BDH1: variants seen among roughly 807,000 people sequenced by gnomAD.
The protein encoded by BDH1 is D-beta-hydroxybutyrate dehydrogenase, mitochondrial.
A neutral mutation model predicts 33.1 loss-of-function variants in BDH1; 30 were observed. The ratio of observed to expected loss-of-function variants is 0.91; its 90% CI spans 0.68 to 1.23. BDH1 has a LOEUF of 1.23. BDH1 is among the 50% of genes most tolerant of loss of function. BDH1 has a pLI of 0.00. For missense variants in BDH1, 443 were observed against 464.4 expected (o/e 0.95, Z 0.42); for synonymous variants, 190 against 183.6 (o/e 1.03, Z -0.28).
rs922444598 is a variant in BDH1 at position 197,523,925 on chromosome 3, G to C, written c.268-1144C>G. Among the ~76,000 whole-genome samples, 1 of 152,162 alleles carries C rather than the reference G, an allele frequency of 6.6e-6. No individual in the cohort carries two copies. The highest frequency in any genetic ancestry group is 1.5e-5 in the Non-Finnish European group (1 of 68,024). ...AGGTGGTGGATGCAGGGCTGGAGAG[G>C]AGGGCAGGGGTCTGCTTGTGGGCAC... On this transcript the variant is annotated intron_variant, in intron 5 of 7. Transcript: ENST00000392379. The surrounding 1 kb of genome is among the most constrained non-coding windows in gnomAD (Gnocchi z 4.5).
intron 2 of BDH1, among the ~76,000 whole-genome samples, chr3:197,548,212 C>T (rs1306464254): frequency 1.3e-5 from 2 of 152,222 alleles, no homozygotes; most frequent in East Asian, 3.8e-4. Context: ...CAGAATGGAG[C>T]CCAGACTGGC....
chr3:197,523,041 T>G lies in BDH1; in HGVS notation c.268-260A>C. On this transcript the variant is annotated intron_variant, in intron 5 of 7. Coordinates refer to ENST00000392379, the MANE Select transcript of BDH1 (RefSeq NM_203314.3). The surrounding 1 kb of genome is among the most constrained non-coding windows in gnomAD (Gnocchi z 4.5). ...CGGCCCCCAAGGCCTCAAGACAGGA[T>G]TCCTTCTCCAAGCAGGGGTTGCAAA... 2 of 450,592 alleles carry G rather than the reference T, an allele frequency of 4.4e-6. No homozygotes were observed. 27.9% of individuals were successfully genotyped at this position (450,592 alleles called of 1,614,324 possible).
Position 197,514,335 on chromosome 3 carries a change from A to G in BDH1, c.491T>C (p.Val164Ala). Residue 164 changes from valine (V) to alanine (A), a missense_variant, in exon 7 of 8, where the codon GTG (valine) becomes GCG (alanine). By Grantham distance (64) the Val-to-Ala change is moderately conservative. Transcript: ENST00000392379. The surrounding 1 kb of genome is among the most constrained non-coding windows in gnomAD (Gnocchi z 4.2). ...TGTGCCCCAAAGGTTCACTTCTGCC[A>G]CCTGCTTGTAGGTCTCCAGGCTGGT... is the stretch of plus-strand genomic sequence containing the variant. ...EFTSLETYKQ[V>A]AEVNLWGTVR... The G allele has an allele frequency of 6.2e-7, 1 of 1,613,868 alleles. No homozygotes were observed. The highest frequency in any genetic ancestry group is 2.2e-5 in the East Asian group (1 of 44,866).
rs370559990 is a variant in BDH1 at position 197,522,802 on chromosome 3, G to A, written c.268-21C>T. Reference sequence around the variant, plus strand: ...TTGTCCTGGGGAGGAGAGAAGAGCTGCTTCTACCTCCTTCCTTCCCACCCT... The same window carrying A: ...TTGTCCTGGGGAGGAGAGAAGAGCTACTTCTACCTCCTTCCTTCCCACCCT... On this transcript the variant is annotated intron_variant, in intron 5 of 7. Coordinates refer to ENST00000392379, the MANE Select transcript of BDH1 (RefSeq NM_203314.3). The surrounding 1 kb of genome is among the most constrained non-coding windows in gnomAD (Gnocchi z 4.8). The A allele has an allele frequency of 3.7e-6, 6 of 1,611,704 alleles. No individual in the cohort carries two copies. The African/African-American group carries it at 4.0e-5, about 11-fold the overall frequency.
chr3:197,515,367 G>C (rs1332475274), intron 6 of BDH1: 16 of 985,536 alleles, frequency 1.6e-5, no homozygotes, highest in Non-Finnish European at 1.8e-5. Flanking sequence ...CTGTGACCTC[G>C]CTCAGATGCT....
chr3:197,557,136 C>A (rs1250169037), upstream of BDH1, among the ~76,000 whole-genome samples: 1 of 152,212 alleles, frequency 6.6e-6, no homozygotes, highest in Non-Finnish European at 1.5e-5. This position sits in a 1 kb window ranked among gnomAD's most constrained non-coding sequence, Gnocchi z 4.6. Flanking sequence ...GTTGTCCCAC[C>A]TTTCCAGACT....
chr3:197,540,078 T>C, intron 3 of BDH1, among the ~76,000 whole-genome samples: 1 of 152,000 alleles, frequency 6.6e-6, no homozygotes, highest in Non-Finnish European at 1.5e-5. Flanking sequence ...TTAGACAGCG[T>C]CTCTCTCTTT....
At position 197,511,396 on chromosome 3, in the gene BDH1, C is replaced by G. The variant is rs1380385759; in HGVS notation, c.*499G>C. 2 of 155,498 alleles carry G rather than the reference C, an allele frequency of 1.3e-5. No homozygotes were observed. Among genetic ancestry groups the G allele is most frequent in the Admixed American group, 1.3e-4 (2 of 15,578 alleles). 9.6% of individuals were successfully genotyped at this position (155,498 alleles called of 1,614,324 possible). On this transcript the variant is annotated 3_prime_UTR_variant, in exon 8 of 8. Transcript: ENST00000392379. ...CAGAGTTAGTCAGAAGATTCTCGGG[C>G]AAATGGATCCAAAACAGTCCTGGAA...
rs752915471 is a variant in BDH1, at chr3:197,512,359, C to T, written c.568G>A (p.Val190Ile). 8.7e-6 allele frequency: 14 copies of T among 1,602,896 alleles called. No homozygotes were observed. Among genetic ancestry groups the T allele is most frequent in the Middle Eastern group, 1.7e-4 (1 of 6,056 alleles). ...CCCAGCATGCTGCTGATATTGACGA[C>T]GCGGCCTACAGAGGGAGACAGAGGT... ...LPLIRRAKGRVVNISSMLGRM... is the reference protein window; with the variant it reads ...LPLIRRAKGRIVNISSMLGRM... The change falls in exon 8 of 8, where the codon GTC becomes ATC. Residue 190 changes from valine (V) to isoleucine (I), a missense_variant. Transcript: ENST00000392379.
Position 197,510,275 on chromosome 3 carries a change from G to C in BDH1, c.*1620C>G, listed in dbSNP as rs1368844631. 6.6e-6 allele frequency: 1 copy of C among 152,404 alleles called. No individual in the cohort carries two copies. The highest frequency in any genetic ancestry group is 1.5e-5 in the Non-Finnish European group (1 of 68,170). The allele number at this position is 152,404 out of a possible 1,614,324, so 9.4% of individuals were successfully genotyped here. ...CTCAGGCTCGGGCGGCAGCGCGGGA[G>C]TCTGGGGCGCTGGAGGCCGGCGCCG... On this transcript the variant is annotated 3_prime_UTR_variant, in exon 8 of 8. Coordinates refer to ENST00000392379, the MANE Select transcript of BDH1 (RefSeq NM_203314.3).
In BDH1 at chr3:197,510,686, T is replaced by C. The variant is rs1279810696; in HGVS notation, c.*1209A>G. On this transcript the variant is annotated 3_prime_UTR_variant, in exon 8 of 8. Coordinates refer to ENST00000392379, the MANE Select transcript of BDH1 (RefSeq NM_203314.3). ...TGTGTGTGTGTACATGTGTGTAAGG[T>C]GTGTGTGTGTGTGTGTGTGTGTGTG... 2.2e-5 allele frequency: 1 copy of C among 45,080 alleles called. No individual in the cohort carries two copies. The highest frequency in any genetic ancestry group is 7.5e-5 in the African/African-American group (1 of 13,322). The allele number at this position is 45,080 out of a possible 1,614,324, so 2.8% of individuals were successfully genotyped here.
intron 3 of BDH1, among the ~76,000 whole-genome samples, chr3:197,535,291 A>G (rs145861635): frequency 1.1e-3 from 173 of 152,344 alleles, no homozygotes; most frequent in African/African-American, 4.0e-3. Context: ...AATGTTGAGA[A>G]TTCTTCAGAT....
chr3:197,562,664 C>T (rs1717304816), intron 1 of BDH1, among the ~76,000 whole-genome samples: 1 of 152,058 alleles, frequency 6.6e-6, no homozygotes, highest in African/African-American at 2.4e-5. Context: ...CTGGAAACAA[C>T]TCAGTGATGA....
chr3:197,569,685 G>C (rs989354806), intron 1 of BDH1, among the ~76,000 whole-genome samples: 16 of 151,176 alleles, frequency 1.1e-4, no homozygotes, highest in African/African-American at 3.9e-4. Context: ...CCTCTCTCTT[G>C]TCTGCCACCA....
Position 197,521,242 on chromosome 3 carries a change from C to T in BDH1, c.409+1398G>A, listed in dbSNP as rs1372360917. ...AGGTAAACTTCATAGATTCGCTTCT[C>T]CAGATGCTGCTGGGCGGCCCGGCTC... On this transcript the variant is annotated intron_variant, in intron 6 of 7. Transcript: ENST00000392379. The surrounding 1 kb of genome is among the most constrained non-coding windows in gnomAD (Gnocchi z 4.9). Among the ~76,000 whole-genome samples the T allele has an allele frequency of 6.6e-6, 1 of 152,160 alleles. No homozygotes were observed. Among genetic ancestry groups the T allele is most frequent in the African/African-American group, 2.4e-5 (1 of 41,428 alleles).
intron 6 of BDH1, among the ~76,000 whole-genome samples, chr3:197,518,849 CG>C (rs1463707954): frequency 3.9e-5 from 1 of 25,840 alleles, no homozygotes; most frequent in Non-Finnish European, 6.4e-5. Context: ...CTCCTCAGGC[CG>C]ACCCCCCTCA....
At chr3:197,557,907 G>C (rs182100030), upstream of BDH1, among the ~76,000 whole-genome samples, 39 of 152,332 alleles carry the variant, frequency 2.6e-4, no homozygotes, top group African/African-American at 8.7e-4. The surrounding 1 kb of genome is among the most constrained non-coding windows in gnomAD (Gnocchi z 4.6). Flanking sequence ...ATTTGCTCCA[G>C]TGACGGTGTT....
rs1420011831 is a variant in BDH1 at position 197,514,350 on chromosome 3, T to G, written c.476A>C (p.Glu159Ala). 1 of 1,613,762 alleles carries G rather than the reference T, an allele frequency of 6.2e-7. No homozygotes were observed. Among genetic ancestry groups the G allele is most frequent in the Non-Finnish European group, 8.5e-7 (1 of 1,179,874 alleles). Reference sequence around the variant, plus strand: ...CACTTCTGCCACCTGCTTGTAGGTCTCCAGGCTGGTGAACTCCACCTCCCC... The same window carrying G: ...CACTTCTGCCACCTGCTTGTAGGTCGCCAGGCTGGTGAACTCCACCTCCCC... ...TFGEVEFTSLETYKQVAEVNL... is the reference protein window; with the variant it reads ...TFGEVEFTSLATYKQVAEVNL... The change falls in exon 7 of 8, where the codon GAG becomes GCG. Residue 159 changes from glutamate (E) to alanine (A), a missense_variant. By Grantham distance (107) the Glu-to-Ala change is moderately radical. Transcript: ENST00000392379. This position sits in a 1 kb window ranked among gnomAD's most constrained non-coding sequence, Gnocchi z 4.2.
At chr3:197,541,528 T>G (rs1273467969) in intron 3 of BDH1, among the ~76,000 whole-genome samples, 1 of 152,140 alleles carries the variant, frequency 6.6e-6, no homozygotes, top group African/African-American at 2.4e-5. Flanking sequence ...AAAATGGAGA[T>G]GTAGCTGAAA....
Sources: allele counts gnomAD v4.1 joint callset (sites outside exome capture counted in the v4.1 genomes callset), GRCh38; gene constraint gnomAD v4.1.1; non-coding constraint Gnocchi (gnomAD v3.1); transcripts MANE v1.5; gene names NCBI Gene and HGNC (gene_info 2026-07-23, HGNC 2026-07-21).